The following ENOX1 variants were observed in gnomAD, a reference collection of about 807,000 sequenced individuals.
The protein encoded by ENOX1 is ecto-NOX disulfide-thiol exchanger 1.
A neutral mutation model predicts 82.5 loss-of-function variants in ENOX1; 42 were observed. That is an observed-to-expected ratio of 0.51 (90% CI 0.40 to 0.66). ENOX1 has a LOEUF of 0.66. Ranked by LOEUF, ENOX1 falls within the 30% of genes least tolerant of loss-of-function variation. The probability of loss-of-function intolerance (pLI) is 0.00; values close to 1 mark genes in which losing one functional copy is unlikely to be tolerated. For missense variants in ENOX1, 608 were observed against 811.6 expected (o/e 0.75, Z 3.05); for synonymous variants, 271 against 282.2 (o/e 0.96, Z 0.40).
chr13:43,535,058 C>A (rs2078394177), intron 2 of ENOX1, among the ~76,000 whole-genome samples: 1 of 152,156 alleles, frequency 6.6e-6, no homozygotes, highest in South Asian at 2.1e-4. Context: ...TGACCTTTAG[C>A]AAGGAGCTTA....
chr13:43,534,418 C>G (rs967061299), intron 2 of ENOX1, among the ~76,000 whole-genome samples: 3 of 151,872 alleles, frequency 2.0e-5, no homozygotes, highest in African/African-American at 7.3e-5. Flanking sequence ...AGAGTCTGAT[C>G]AGTTTCCAGG....
intron 9 of ENOX1, among the ~76,000 whole-genome samples, chr13:43,339,166 T>G (rs1186086009): frequency 1.3e-5 from 2 of 152,236 alleles, no homozygotes; most frequent in Non-Finnish European, 2.9e-5. Context: ...TGATGGACTT[T>G]GATGGAGACC....
intron 2 of ENOX1, among the ~76,000 whole-genome samples, chr13:43,632,669 A>C (rs1293549575): frequency 2.0e-5 from 3 of 151,908 alleles, no homozygotes; most frequent in African/African-American, 4.8e-5. Context: ...TTGGTCTCGA[A>C]CTCTTGACCT....
At chr13:43,499,270 G>T (rs1269868594) in intron 2 of ENOX1, among the ~76,000 whole-genome samples, 2 of 151,820 alleles carry the variant, frequency 1.3e-5, no homozygotes, top group Non-Finnish European at 2.9e-5. Context: ...GGACACAGTT[G>T]AAAAACTACT....
intron 14 of ENOX1, among the ~76,000 whole-genome samples, chr13:43,237,794 C>T (rs538420851): frequency 2.6e-5 from 4 of 152,272 alleles, no homozygotes; most frequent in South Asian, 2.1e-4. Flanking sequence ...GAAAACCACA[C>T]CCGAAGGCAT....
At chr13:43,254,268 C>T (rs567176296) in intron 14 of ENOX1, among the ~76,000 whole-genome samples, 13 of 152,288 alleles carry the variant, frequency 8.5e-5, no homozygotes, top group Admixed American at 4.6e-4. Flanking sequence ...TCACAGCACA[C>T]GACCTCAAAT....
chr13:43,262,379 A>T (rs1294064651), intron 14 of ENOX1, among the ~76,000 whole-genome samples: 2 of 152,222 alleles, frequency 1.3e-5, no homozygotes, highest in Non-Finnish European at 2.9e-5. Flanking sequence ...TTAATAAATG[A>T]TAATGCATGA....
chr13:43,623,776 T>C (rs1366573464), intron 2 of ENOX1, among the ~76,000 whole-genome samples: 1 of 152,188 alleles, frequency 6.6e-6, no homozygotes, highest in Non-Finnish European at 1.5e-5. Flanking sequence ...CTTTTCATTG[T>C]TGAACACTAT....
intron 16 of ENOX1, among the ~76,000 whole-genome samples, chr13:43,222,604 A>G (rs938613578): frequency 3.3e-5 from 5 of 152,226 alleles, no homozygotes; most frequent in Non-Finnish European, 7.3e-5. Context: ...AAATGTCAAC[A>G]GTACAAGGGA....
intron 1 of ENOX1, among the ~76,000 whole-genome samples, chr13:43,755,826 G>A (rs1367683857): frequency 6.6e-6 from 1 of 152,194 alleles, no homozygotes; most frequent in Non-Finnish European, 1.5e-5. Context: ...AACCAGTAAA[G>A]CATTAGAGAT....
chr13:43,759,504 C>A (rs1950843304), intron 1 of ENOX1, among the ~76,000 whole-genome samples: 1 of 152,078 alleles, frequency 6.6e-6, no homozygotes, highest in African/African-American at 2.4e-5. Context: ...TTTTTCAACC[C>A]CTCATGCTAT....
chr13:43,313,796 T>C (rs2047339208), intron 11 of ENOX1, among the ~76,000 whole-genome samples: 1 of 152,178 alleles, frequency 6.6e-6, no homozygotes, highest in South Asian at 2.1e-4. Flanking sequence ...GTCTAAACCA[T>C]GGTTTCTTTC....
At chr13:43,716,132 G>C (rs1046190449) in intron 1 of ENOX1, among the ~76,000 whole-genome samples, 1 of 152,192 alleles carries the variant, frequency 6.6e-6, no homozygotes, top group African/African-American at 2.4e-5. Context: ...GAGGAGAGGC[G>C]CTCTGCTTTT....
At chr13:43,526,036 G>A (rs544974220) in intron 2 of ENOX1, among the ~76,000 whole-genome samples, 1 of 152,256 alleles carries the variant, frequency 6.6e-6, no homozygotes, top group South Asian at 2.1e-4. Flanking sequence ...CAGAGATGGT[G>A]CCTGTTGATT....
At chr13:43,494,065 G>C (rs1041415089) in intron 2 of ENOX1, among the ~76,000 whole-genome samples, 3 of 152,072 alleles carry the variant, frequency 2.0e-5, no homozygotes, top group African/African-American at 4.8e-5. Flanking sequence ...AGAATGGCAT[G>C]GGAAAAACTG....
chr13:43,233,565 T>C (rs2042383854), intron 15 of ENOX1, among the ~76,000 whole-genome samples: 1 of 152,214 alleles, frequency 6.6e-6, no homozygotes. Flanking sequence ...GTAACTAGAA[T>C]TGCTCATTGT....
intron 2 of ENOX1, among the ~76,000 whole-genome samples, chr13:43,617,809 C>T (rs2082546918): frequency 6.6e-6 from 1 of 152,188 alleles, no homozygotes; most frequent in Non-Finnish European, 1.5e-5. Context: ...CACTGTTTTC[C>T]ATAGCAGCTA....
At chr13:43,782,553 C>T (rs1362596944) in intron 1 of ENOX1, among the ~76,000 whole-genome samples, 1 of 152,188 alleles carries the variant, frequency 6.6e-6, no homozygotes, top group Non-Finnish European at 1.5e-5. Context: ...TACTAAAGTA[C>T]GTCTTTTCTG....
At chr13:43,525,610 G>T (rs190312617) in intron 2 of ENOX1, among the ~76,000 whole-genome samples, 1 of 152,016 alleles carries the variant, frequency 6.6e-6, no homozygotes, top group Non-Finnish European at 1.5e-5. Flanking sequence ...CAATGCACAA[G>T]GGTTCCAATT....
Sources: gnomAD v4.1 joint callset for allele counts (sites outside exome capture counted in the v4.1 genomes callset) on GRCh38, gnomAD v4.1.1 for gene constraint, MANE v1.5 for transcripts, NCBI Gene and HGNC (gene_info 2026-07-23, HGNC 2026-07-21) for gene names.